Variants in NAV2 observed in about 807,000 individuals in gnomAD.
NAV2 encodes the protein helicase, APC down-regulated 1.
Under a neutral mutation model 223.2 loss-of-function variants are expected in NAV2, and 54 were observed. The observed-to-expected ratio is 0.24, with a 90% CI of 0.19 to 0.30. The LOEUF is 0.30. Ranked by LOEUF, NAV2 falls within the 10% of genes least tolerant of loss-of-function variation. The pLI is 1.00. For synonymous variants in NAV2, 1,279 were observed against 1,239.3 expected (o/e 1.03, Z -0.67); for missense variants, 2,806 against 3,147.5 (o/e 0.89, Z 2.60).
intron 10 of NAV2, among the ~76,000 whole-genome samples, chr11:19,951,598 C>T (rs971558388): frequency 2.6e-5 from 4 of 151,226 alleles, no homozygotes; most frequent in East Asian, 1.9e-4. Context: ...ATTTTATTGT[C>T]GAACCAGTCT....
At chr11:19,388,409 A>T (rs1849124394) in intron 1 of NAV2, among the ~76,000 whole-genome samples, 1 of 152,132 alleles carries the variant, frequency 6.6e-6, no homozygotes, top group Non-Finnish European at 1.5e-5. Flanking sequence ...TTCATTGGAG[A>T]TGTTTAAAAT....
rs115445597 is a variant in NAV2, at chr11:19,695,075, C to T, written c.76-137409C>T. Among the ~76,000 whole-genome samples the T allele has an allele frequency of 4.8e-3, 738 of 152,328 alleles. 10 individuals carry two copies. The highest frequency in any genetic ancestry group is 0.017 in the African/African-American group (694 of 41,572). On this transcript the variant is annotated intron_variant, in intron 1 of 37. Transcript: ENST00000360655. ...GGGAATGTACTCCCAGTATTCCAGG[C>T]CAAGGGACACACTGGCATCAGAACA...
At chr11:19,413,971 A>G (rs1209659370) in intron 1 of NAV2, among the ~76,000 whole-genome samples, 1 of 152,214 alleles carries the variant, frequency 6.6e-6, no homozygotes. Context: ...AAACATACCA[A>G]ATTGTAAAGA....
upstream of NAV2, among the ~76,000 whole-genome samples, chr11:19,708,553 T>C (rs1351197512): frequency 1.3e-5 from 2 of 152,050 alleles, no homozygotes; most frequent in Non-Finnish European, 1.5e-5. Context: ...CAGGGGTCTT[T>C]AACTAAGATG....
At chr11:20,052,913 G>A (rs1300015877) in intron 17 of NAV2, among the ~76,000 whole-genome samples, 1 of 152,002 alleles carries the variant, frequency 6.6e-6, no homozygotes, top group Non-Finnish European at 1.5e-5. Flanking sequence ...TGGCCACTTG[G>A]CACTCAGAAA....
chr11:20,008,273 A>G (rs2053255644), intron 11 of NAV2, among the ~76,000 whole-genome samples: 1 of 152,174 alleles, frequency 6.6e-6, no homozygotes, highest in Non-Finnish European at 1.5e-5. Context: ...AGGCTGAGGC[A>G]GGAGAATCCA....
At chr11:19,840,555 T>G (rs949172643) in intron 2 of NAV2, among the ~76,000 whole-genome samples, 3 of 152,228 alleles carry the variant, frequency 2.0e-5, no homozygotes, top group African/African-American at 7.2e-5. Context: ...GGAAGACACC[T>G]TGACTGGCCT....
At chr11:19,473,010 C>A (rs571648793) in intron 1 of NAV2, among the ~76,000 whole-genome samples, 2 of 152,330 alleles carry the variant, frequency 1.3e-5, no homozygotes, top group South Asian at 2.1e-4. Flanking sequence ...TCCATGGGAA[C>A]TTCCCAAGGC....
At chr11:19,621,766 T>C (rs140418109) in intron 1 of NAV2, among the ~76,000 whole-genome samples, 3,941 of 152,326 alleles carry the variant, frequency 0.026, 96 homozygotes, top group Middle Eastern at 0.054. Context: ...TCAGTTCCGC[T>C]CTGATCTTAG....
chr11:19,957,980 A>T (rs11025341), intron 10 of NAV2, among the ~76,000 whole-genome samples: 12,340 of 152,172 alleles, frequency 0.081, 599 homozygotes, highest in South Asian at 0.15. Flanking sequence ...GAATTTCCTA[A>T]CTAGCTTTGA....
Position 19,426,200 on chromosome 11 carries a change from G to A in NAV2, c.75+75173G>A, listed in dbSNP as rs531860264. Among the ~76,000 whole-genome samples, 185 of 152,226 alleles carry A rather than the reference G, an allele frequency of 1.2e-3. 2 individuals are homozygous for A. Among genetic ancestry groups the A allele is most frequent in the African/African-American group, 4.2e-3 (174 of 41,522 alleles). On this transcript the variant is annotated intron_variant, in intron 1 of 37. Transcript: ENST00000360655. ...GCCTGGCCTCTCCAGTGCTCCTAGCGTCTCAAGAAACCAGCTTGCCTCACA... is the reference window on the plus strand; with the variant it reads ...GCCTGGCCTCTCCAGTGCTCCTAGCATCTCAAGAAACCAGCTTGCCTCACA...
intron 3 of NAV2, among the ~76,000 whole-genome samples, chr11:19,848,677 G>A (rs2060944562): frequency 2.6e-5 from 4 of 152,186 alleles, no homozygotes; most frequent in South Asian, 4.1e-4. Context: ...GTGCTGGCAC[G>A]TTGCTGGCCA....
intron 8 of NAV2, among the ~76,000 whole-genome samples, chr11:19,940,646 T>A (rs1361369043): frequency 6.6e-6 from 1 of 152,218 alleles, no homozygotes; most frequent in Admixed American, 6.5e-5. Flanking sequence ...GAACTGAATA[T>A]CCCTGACTAC....
intron 1 of NAV2, among the ~76,000 whole-genome samples, chr11:19,733,149 A>G (rs2051966839): frequency 6.6e-6 from 1 of 152,206 alleles, no homozygotes; most frequent in Admixed American, 6.5e-5. Flanking sequence ...TTTTGTTTCT[A>G]ATAGAATAAT....
chr11:20,016,631 C>T (rs1416350652), intron 11 of NAV2, among the ~76,000 whole-genome samples: 1 of 152,102 alleles, frequency 6.6e-6, no homozygotes, highest in Non-Finnish European at 1.5e-5. Flanking sequence ...GGGAGGGATC[C>T]ACAATCTGGG....
intron 1 of NAV2, among the ~76,000 whole-genome samples, chr11:19,819,282 G>A (rs1209088182): frequency 6.6e-6 from 1 of 152,208 alleles, no homozygotes; most frequent in Non-Finnish European, 1.5e-5. Context: ...GTTAGGAGTA[G>A]GCAAGCAGGT....
rs143864016 is a variant in NAV2, at chr11:19,484,054, C to T, written c.75+133027C>T. Reference sequence around the variant, plus strand: ...GCTAATTAAAGTACTGCCTCTTCTGCGTCTTGGGTTCTGCTACACTGATCT... The same window carrying T: ...GCTAATTAAAGTACTGCCTCTTCTGTGTCTTGGGTTCTGCTACACTGATCT... On this transcript the variant is annotated intron_variant, in intron 1 of 37. Coordinates refer to the NAV2 transcript ENST00000360655. 5.0e-3 allele frequency among the ~76,000 whole-genome samples: 749 copies of T among 151,274 alleles called. 8 individuals carry two copies. Among genetic ancestry groups the T allele is most frequent in the African/African-American group, 0.017 (704 of 41,258 alleles).
chr11:19,574,516 G>A (rs1234990366), intron 1 of NAV2, among the ~76,000 whole-genome samples: 1 of 152,156 alleles, frequency 6.6e-6, no homozygotes, highest in Non-Finnish European at 1.5e-5. Context: ...CATGGGTAAT[G>A]AGCCATCTTC....
At chr11:19,469,951 A>G (rs1330378195) in intron 1 of NAV2, among the ~76,000 whole-genome samples, 1 of 152,228 alleles carries the variant, frequency 6.6e-6, no homozygotes, top group Non-Finnish European at 1.5e-5. Context: ...ACACTAAGAG[A>G]GGAAGGTGCC....
Sources: gnomAD v4.1 joint callset for allele counts (sites outside exome capture counted in the v4.1 genomes callset) on GRCh38, gnomAD v4.1.1 for gene constraint, MANE v1.5 for transcripts, NCBI Gene and HGNC (gene_info 2026-07-23, HGNC 2026-07-21) for gene names.